Variants in ZNF804A observed in about 807,000 individuals in gnomAD.
ZNF804A encodes the protein zinc finger protein 804A.
In ZNF804A, 2 loss-of-function variants were observed where a neutral mutation model predicts 16.5. The observed-to-expected ratio is 0.12, with a 90% confidence interval of 0.05 to 0.38. ZNF804A has a LOEUF of 0.38. ZNF804A is among the 10% of genes least tolerant of loss of function. The pLI, the probability that ZNF804A is intolerant of heterozygous loss-of-function variation, is 0.99. For missense variants in ZNF804A, 1,473 were observed against 1,390.7 expected (o/e 1.06, Z -0.94); for synonymous variants, 534 against 489.6 (o/e 1.09, Z -1.20).
intron 1 of ZNF804A, among the ~76,000 whole-genome samples, chr2:184,631,002 A>T (rs1691598444): frequency 6.6e-6 from 1 of 152,164 alleles, no homozygotes; most frequent in Non-Finnish European, 1.5e-5. Flanking sequence ...TTGGTCTGTG[A>T]AAATATTCTA....
chr2:184,717,607 T>C (rs1351426778), intron 1 of ZNF804A, among the ~76,000 whole-genome samples: 1 of 152,232 alleles, frequency 6.6e-6, no homozygotes, highest in Non-Finnish European at 1.5e-5. Context: ...AAAAGGGTTA[T>C]TGCATTACAT....
chr2:184,637,841 CAAAT>C (rs1691725692), intron 1 of ZNF804A, among the ~76,000 whole-genome samples: 1 of 152,096 alleles, frequency 6.6e-6, no homozygotes, highest in Non-Finnish European at 1.5e-5. Flanking sequence ...TGGAATCAAA[CAAAT>C]TTTCTAATCC....
At chr2:184,923,522 T>C (rs1685564476) in intron 2 of ZNF804A, among the ~76,000 whole-genome samples, 1 of 151,890 alleles carries the variant, frequency 6.6e-6, no homozygotes, top group South Asian at 2.1e-4. Flanking sequence ...CCTTTCCAAT[T>C]TGGATGCCTT....
At position 184,938,987 on chromosome 2, in the gene ZNF804A, C is replaced by T. The variant is rs1389708698; in HGVS notation, c.3591C>T (p.Ser1197=). 3 of 1,613,912 alleles carry T rather than the reference C, an allele frequency of 1.9e-6. No homozygotes were observed. In the African/African-American group the frequency reaches 4.0e-5, roughly 22 times the overall value. ...LPHALFPSLL[S]PHPTVIPLQP... ...ATGCACTCTTTCCTTCACTGCTTTC[C>T]CCACACCCTACTGTCATCCCTTTGC... Residue 1197 remains serine, a synonymous_variant, in exon 4 of 4, where the codon TCC becomes TCT. Coordinates refer to ENST00000302277, the MANE Select transcript of ZNF804A (RefSeq NM_194250.2).
At chr2:184,735,136 C>A (rs1260624472) in intron 1 of ZNF804A, among the ~76,000 whole-genome samples, 1 of 152,004 alleles carries the variant, frequency 6.6e-6, no homozygotes, top group African/African-American at 2.4e-5. Flanking sequence ...TTAATTGTTG[C>A]ATTTAGTCCA....
chr2:184,653,614 C>A (rs1027703203), intron 1 of ZNF804A, among the ~76,000 whole-genome samples: 4 of 152,190 alleles, frequency 2.6e-5, no homozygotes. Flanking sequence ...TATTGGCATA[C>A]TTCTGGAGAC....
At chr2:184,869,636 T>C (rs1156301766) in intron 2 of ZNF804A, among the ~76,000 whole-genome samples, 1 of 152,146 alleles carries the variant, frequency 6.6e-6, no homozygotes, top group South Asian at 2.1e-4. Context: ...ATTTTTTTTC[T>C]CCTAGAATAT....
At chr2:184,832,547 A>G (rs540952930) in intron 1 of ZNF804A, among the ~76,000 whole-genome samples, 4 of 151,952 alleles carry the variant, frequency 2.6e-5, no homozygotes, top group Non-Finnish European at 2.9e-5. Flanking sequence ...CTTCTTTCAT[A>G]TTAAGACTTA....
At chr2:184,806,948 T>C (rs1027415212) in intron 1 of ZNF804A, among the ~76,000 whole-genome samples, 1 of 151,816 alleles carries the variant, frequency 6.6e-6, no homozygotes, top group African/African-American at 2.4e-5. Flanking sequence ...GAAAATTCTA[T>C]TGAATTATCA....
rs116220843 is a variant in ZNF804A, at chr2:184,897,132, C to T, written c.255+30620C>T. Among the ~76,000 whole-genome samples, 154 of 152,102 alleles carry T rather than the reference C, an allele frequency of 1.0e-3. 1 individual carries two copies. Among genetic ancestry groups the T allele is most frequent in the Admixed American group, 4.1e-3 (63 of 15,272 alleles). On this transcript the variant is annotated intron_variant, in intron 2 of 3. Transcript: ENST00000302277. ...GTATTAGGTATTTTGTACAATGTCC[C>T]TCAACTGGGATTTGCTTAATGATTC...
chr2:184,637,774 T>C (rs1691724614), intron 1 of ZNF804A, among the ~76,000 whole-genome samples: 1 of 152,190 alleles, frequency 6.6e-6, no homozygotes, highest in South Asian at 2.1e-4. Flanking sequence ...TAATAAAAGT[T>C]GTAACTAATG....
chr2:184,598,841 G>T lies in ZNF804A; in HGVS notation c.-119G>T, dbSNP rs1266610975. 5 of 513,554 alleles carry T rather than the reference G, an allele frequency of 9.7e-6. No individual in the cohort carries two copies. Among genetic ancestry groups the T allele is most frequent in the Non-Finnish European group, 1.6e-5 (5 of 307,452 alleles). 31.8% of individuals were successfully genotyped at this position (513,554 alleles called of 1,614,324 possible). A position where few individuals can be genotyped will look rare whatever the true frequency, so the allele number is the denominator to read the frequency against. On this transcript the variant is annotated 5_prime_UTR_variant, in exon 1 of 4. Coordinates refer to ENST00000302277, the MANE Select transcript of ZNF804A (RefSeq NM_194250.2). The stretch of plus-strand genomic sequence containing the variant: ...CCAGTCTCCAGAGGACGTGCCGGGG[G>T]TGGCTGCGTGCCCTCGTGGCGGGTT...
At chr2:184,702,582 T>C (rs964989176) in intron 1 of ZNF804A, among the ~76,000 whole-genome samples, 2 of 152,104 alleles carry the variant, frequency 1.3e-5, no homozygotes, top group Non-Finnish European at 2.9e-5. Context: ...CTAAGCAAAA[T>C]TTTAACTACC....
rs796629480 is a variant in ZNF804A at position 184,667,999 on chromosome 2, T to C, written c.111+68929T>C. On this transcript the variant is annotated intron_variant, in intron 1 of 3. Coordinates refer to ENST00000302277, the MANE Select transcript of ZNF804A (RefSeq NM_194250.2). ...TCTTGGATTGAAAACTAATTTTCAGTATATTCTAGTTCAAGTTTTTTTTTA... is the reference window on the plus strand; with the variant it reads ...TCTTGGATTGAAAACTAATTTTCAGCATATTCTAGTTCAAGTTTTTTTTTA... Among the ~76,000 whole-genome samples, 6 of 151,574 alleles carry C rather than the reference T, an allele frequency of 4.0e-5. No homozygotes were observed. In the East Asian group the frequency reaches 7.7e-4, roughly 20 times the overall value.
intron 1 of ZNF804A, among the ~76,000 whole-genome samples, chr2:184,643,115 T>C (rs567395969): frequency 3.3e-4 from 50 of 152,184 alleles, no homozygotes; most frequent in African/African-American, 1.2e-3. Flanking sequence ...GCATAAAAGA[T>C]GAGATCCTGA....
chr2:184,648,751 T>C (rs932347675), intron 1 of ZNF804A, among the ~76,000 whole-genome samples: 2 of 152,172 alleles, frequency 1.3e-5, no homozygotes, highest in African/African-American at 4.8e-5. Flanking sequence ...ACTATATGTA[T>C]ACTCACCAAT....
chr2:184,787,532 T>C (rs1694467458), intron 1 of ZNF804A, among the ~76,000 whole-genome samples: 1 of 152,034 alleles, frequency 6.6e-6, no homozygotes, highest in Non-Finnish European at 1.5e-5. Flanking sequence ...TTTTTTTGAC[T>C]TTTTAATAAA....
At chr2:184,893,157 C>A (rs921142068) in intron 2 of ZNF804A, among the ~76,000 whole-genome samples, 1 of 151,874 alleles carries the variant, frequency 6.6e-6, no homozygotes, top group African/African-American at 2.4e-5. Context: ...TTAAAATATT[C>A]TCATCCTAAA....
intron 1 of ZNF804A, among the ~76,000 whole-genome samples, chr2:184,754,018 C>T (rs1204024646): frequency 6.6e-6 from 1 of 151,778 alleles, no homozygotes; most frequent in Non-Finnish European, 1.5e-5. Context: ...CTTTCTCACT[C>T]TCTCTCTATC....
Sources: allele counts gnomAD v4.1 joint callset (sites outside exome capture counted in the v4.1 genomes callset), GRCh38; gene constraint gnomAD v4.1.1; transcripts MANE v1.5; gene names NCBI Gene and HGNC (gene_info 2026-07-23, HGNC 2026-07-21).